Variants in ZNF461 observed in about 807,000 individuals in gnomAD.
ZNF461 encodes the protein zinc finger protein 461.
Under a neutral mutation model 18.3 loss-of-function variants are expected in ZNF461, and 16 were observed. The ratio of observed to expected loss-of-function variants is 0.88; its 90% CI spans 0.59 to 1.33. The LOEUF (loss-of-function observed/expected upper bound fraction) is 1.33. ZNF461 is among the 40% of genes most tolerant of loss of function. The pLI, the probability that ZNF461 is intolerant of heterozygous loss-of-function variation, is 0.00. For synonymous variants in ZNF461, 179 were observed against 216.9 expected (o/e 0.83, Z 1.54); for missense variants, 595 against 669.9 (o/e 0.89, Z 1.23).
Position 36,640,054 on chromosome 19 carries a change from A to G in ZNF461, c.302-11T>C, listed in dbSNP as rs766224396. ...CTCTGGATGCCAAGTCTGAAAGATA[A>G]GAAATATATTTTAACTCCTGGTTTT... On this transcript the variant is annotated splice_polypyrimidine_tract_variant and intron_variant, in intron 5 of 5. Coordinates refer to ENST00000588268, the MANE Select transcript of ZNF461 (RefSeq NM_153257.5). 65 of 1,585,778 alleles carry G rather than the reference A, an allele frequency of 4.1e-5. No homozygotes were observed. In the South Asian group the frequency reaches 7.2e-4, roughly 18 times the overall value.
intron 2 of ZNF461, among the ~76,000 whole-genome samples, chr19:36,659,724 C>A (rs1247976730): frequency 6.6e-6 from 1 of 152,184 alleles, no homozygotes; most frequent in Non-Finnish European, 1.5e-5. Flanking sequence ...CCACCTCTCC[C>A]TGTATATTTA....
At chr19:36,658,568 G>A (rs1213976929) in intron 2 of ZNF461, 143 bp from the exon 3 acceptor site, 1 of 764,258 alleles carries the variant, frequency 1.3e-6, no homozygotes, top group Non-Finnish European at 2.1e-6. Context: ...GGTCAAAGAG[G>A]AATTTAGTGT....
chr19:36,647,614 C>T (rs1015533901), intron 4 of ZNF461, among the ~76,000 whole-genome samples: 2 of 152,020 alleles, frequency 1.3e-5, no homozygotes, highest in African/African-American at 4.8e-5. Flanking sequence ...AATTCTTTTG[C>T]GTATATACCT....
At chr19:36,651,333 C>T (rs2037623724) in intron 4 of ZNF461, among the ~76,000 whole-genome samples, 1 of 151,868 alleles carries the variant, frequency 6.6e-6, no homozygotes, top group South Asian at 2.1e-4. Context: ...CACAGGATGT[C>T]CACTTTTACC....
chr19:36,655,604 A>G (rs1237101967), intron 4 of ZNF461, among the ~76,000 whole-genome samples: 1 of 152,254 alleles, frequency 6.6e-6, no homozygotes, highest in East Asian at 1.9e-4. Context: ...CCCTGTCTCA[A>G]AACAAACAAA....
At chr19:36,642,192 G>A (rs1432322180) in intron 5 of ZNF461, among the ~76,000 whole-genome samples, 2 of 151,942 alleles carry the variant, frequency 1.3e-5, no homozygotes, top group East Asian at 1.9e-4. Context: ...TCAGCCCCTC[G>A]AAGTGCTGAG....
At chr19:36,651,526 T>C (rs934160964) in intron 4 of ZNF461, among the ~76,000 whole-genome samples, 2 of 151,938 alleles carry the variant, frequency 1.3e-5, no homozygotes, top group African/African-American at 4.8e-5. Context: ...TCACAAAATA[T>C]AGGATTAATA....
intron 5 of ZNF461, among the ~76,000 whole-genome samples, chr19:36,642,903 C>A (rs1600416083): frequency 6.6e-6 from 1 of 151,828 alleles, no homozygotes; most frequent in South Asian, 2.1e-4. Context: ...TACAGGTGCT[C>A]ACCACCTGTA....
At chr19:36,647,146 T>C (rs1308341945) in intron 4 of ZNF461, among the ~76,000 whole-genome samples, 1 of 152,222 alleles carries the variant, frequency 6.6e-6, no homozygotes, top group Non-Finnish European at 1.5e-5. Context: ...TTTCTTTTGG[T>C]GGAAATAATT....
intron 4 of ZNF461, among the ~76,000 whole-genome samples, chr19:36,653,128 T>C (rs1247520523): frequency 6.6e-6 from 1 of 152,202 alleles, no homozygotes. Flanking sequence ...CACACATACA[T>C]TGCCAGTTAA....
chr19:36,665,706 C>T (rs1219576637), intron 1 of ZNF461, among the ~76,000 whole-genome samples: 1 of 61,422 alleles, frequency 1.6e-5, no homozygotes, highest in Non-Finnish European at 2.8e-5. Flanking sequence ...GAAACTTCGT[C>T]TCAAAAAAAA....
At position 36,638,746 on chromosome 19, in the gene ZNF461, A is replaced by G; in HGVS notation, c.1599T>C (p.His533=). 6.2e-7 allele frequency: 1 copy of G among 1,614,042 alleles called. No homozygotes were observed. The highest frequency in any genetic ancestry group is 2.2e-5 in the East Asian group (1 of 44,878). ...KPYQCGKAFN[H]RLQLNLHQTL... is the part of the protein sequence containing the mutation. ...TCTGATGTAAGTTAAGTTGTAATCT[A>G]TGATTAAACGCCTTCCCGCATTGAT... is the stretch of plus-strand genomic sequence containing the variant. The change falls in exon 6 of 6, where the codon CAT becomes CAC. Residue 533 remains histidine, a synonymous_variant. Coordinates refer to ENST00000588268, the MANE Select transcript of ZNF461 (RefSeq NM_153257.5).
chr19:36,665,946 A>G (rs1267346423), intron 1 of ZNF461, among the ~76,000 whole-genome samples: 2 of 151,920 alleles, frequency 1.3e-5, no homozygotes, highest in East Asian at 3.9e-4. Flanking sequence ...AGATCTCTGG[A>G]GTGGGGCGTC....
intron 4 of ZNF461, among the ~76,000 whole-genome samples, chr19:36,648,152 C>T (rs538210256): frequency 1.3e-4 from 20 of 151,864 alleles, no homozygotes; most frequent in Non-Finnish European, 5.9e-5. Flanking sequence ...GCTTTCCAGC[C>T]TGGACAACAA....
At chr19:36,640,610 C>T (rs1028224751) in intron 5 of ZNF461, among the ~76,000 whole-genome samples, 1 of 152,160 alleles carries the variant, frequency 6.6e-6, no homozygotes, top group Non-Finnish European at 1.5e-5. Flanking sequence ...TGAGTTCTTT[C>T]GTTAAGAGCC....
chr19:36,659,001 T>C (rs1377479151), intron 2 of ZNF461, among the ~76,000 whole-genome samples: 1 of 152,204 alleles, frequency 6.6e-6, no homozygotes, highest in East Asian at 1.9e-4. Flanking sequence ...ATCTGTGACT[T>C]ATTCAACCTA....
At chr19:36,660,475 T>C (rs1056277279) in intron 2 of ZNF461, among the ~76,000 whole-genome samples, 6 of 151,990 alleles carry the variant, frequency 3.9e-5, no homozygotes, top group African/African-American at 1.4e-4. Flanking sequence ...TAATGTCACA[T>C]TTCATCAGTC....
intron 4 of ZNF461, among the ~76,000 whole-genome samples, chr19:36,654,871 C>A (rs529297865): frequency 1.3e-5 from 2 of 152,132 alleles, no homozygotes; most frequent in South Asian, 2.1e-4. Flanking sequence ...TATTTTTTTG[C>A]CTAGTGATTC....
rs757010604 is a variant in ZNF461, at chr19:36,656,507, A to C, written c.173T>G (p.Leu58Trp). 3 of 1,614,158 alleles carry C rather than the reference A, an allele frequency of 1.9e-6. No individual in the cohort carries two copies. In the South Asian group the frequency reaches 3.3e-5, roughly 18 times the overall value. ...CATCCAGGGCTCCTTCCCTTGCTCCAATGAGGAGATTACGGCTGGCTTAGA... is the reference window on the plus strand; with the variant it reads ...CATCCAGGGCTCCTTCCCTTGCTCCCATGAGGAGATTACGGCTGGCTTAGA... ...SVSKPAVISS[L>W]EQGKEPWMVV... The change falls in exon 4 of 6, where the codon TTG becomes TGG. Residue 58 changes from leucine to tryptophan, a missense_variant. By Grantham distance (61) the Leu-to-Trp change is moderately conservative. Transcript: ENST00000588268.
Sources: gnomAD v4.1 joint callset for allele counts (sites outside exome capture counted in the v4.1 genomes callset) on GRCh38, gnomAD v4.1.1 for gene constraint, MANE v1.5 for transcripts, NCBI Gene and HGNC (gene_info 2026-07-23, HGNC 2026-07-21) for gene names.